OSMR: variants seen among roughly 807,000 people sequenced by gnomAD.
OSMR encodes oncostatin M receptor.
A neutral mutation model predicts 99.9 loss-of-function variants in OSMR; 81 were observed. That is an observed-to-expected ratio of 0.81 (90% CI 0.68 to 0.97). The LOEUF (loss-of-function observed/expected upper bound fraction) is 0.97, where lower values mean the gene tolerates loss of function less well. Among genes scored for constraint, OSMR ranks in the 50% least tolerant of loss-of-function variants. The pLI, the probability that OSMR is intolerant of heterozygous loss-of-function variation, is 0.00. For synonymous variants in OSMR, 406 were observed against 410.4 expected, an observed-to-expected ratio of 0.99 and a Z score of 0.13; for missense variants, 1,099 against 1,153.4, an observed-to-expected ratio of 0.95 and a Z score of 0.68.
intron 1 of OSMR, among the ~76,000 whole-genome samples, chr5:38,856,042 G>A (rs1377074850): frequency 2.6e-5 from 4 of 152,130 alleles, no homozygotes. Flanking sequence ...TCTTTGCAGA[G>A]TTTTCTCCCT....
intron 1 of OSMR, among the ~76,000 whole-genome samples, chr5:38,859,599 A>G (rs1033093720): frequency 1.3e-5 from 2 of 152,146 alleles, no homozygotes; most frequent in African/African-American, 2.4e-5. Context: ...GTGGTTTCAT[A>G]TGAATTTTAG....
chr5:38,904,905 TG>T (rs1220087536), intron 9 of OSMR, among the ~76,000 whole-genome samples: 2 of 152,206 alleles, frequency 1.3e-5, no homozygotes, highest in African/African-American at 4.8e-5. Flanking sequence ...TAATGACATT[TG>T]GAACCTTAAT....
chr5:38,914,486 C>T lies in OSMR; in HGVS notation c.1286-3060C>T, dbSNP rs549964111. ...GATTTCTCAAAACAGAGCTACTGTT[C>T]CACCCAGCAATCCCATTACTGGGTA... On this transcript the variant is annotated intron_variant, in intron 9 of 17. Coordinates refer to ENST00000274276, the MANE Select transcript of OSMR (RefSeq NM_003999.3). Among the ~76,000 whole-genome samples, 13 of 152,308 alleles carry T rather than the reference C, an allele frequency of 8.5e-5. No homozygotes were observed. The South Asian group carries it at 2.3e-3, about 27-fold the overall frequency.
In OSMR at chr5:38,924,547, T is replaced by C. The variant is rs1258153928; in HGVS notation, c.1996T>C (p.Ser666Pro). 1 of 1,614,072 alleles carries C rather than the reference T, an allele frequency of 6.2e-7. No homozygotes were observed. The highest frequency in any genetic ancestry group is 8.5e-7 in the Non-Finnish European group (1 of 1,180,022). ...ACAAGGGTACCATGTCTATCTGAAA[T>C]CCAAGGCGAGGCAGTGCCACCCACG... ...FIQGYHVYLKSKARQCHPRFE... is the reference protein window; with the variant it reads ...FIQGYHVYLKPKARQCHPRFE... The change falls in exon 14 of 18, where the codon TCC becomes CCC. Residue 666 changes from serine (S) to proline (P), a missense_variant. Transcript: ENST00000274276.
chr5:38,901,685 C>T (rs1194739264), intron 7 of OSMR, among the ~76,000 whole-genome samples: 1 of 152,144 alleles, frequency 6.6e-6, no homozygotes, highest in African/African-American at 2.4e-5. Context: ...GCCAGAGACT[C>T]CAATCAGCGT....
intron 12 of OSMR, 145 bp downstream of exon 12, chr5:38,921,939 G>A: frequency 1.4e-6 from 1 of 695,638 alleles, no homozygotes; most frequent in South Asian, 1.8e-5. Context: ...TAGGAGTTCA[G>A]ATGTTACAAG....
intron 1 of OSMR, among the ~76,000 whole-genome samples, chr5:38,858,592 T>C (rs776792366): frequency 6.6e-6 from 1 of 152,218 alleles, no homozygotes; most frequent in Non-Finnish European, 1.5e-5. Flanking sequence ...GGATCCCTTT[T>C]ATATACTTAT....
rs146630246 is a variant in OSMR at position 38,871,855 on chromosome 5, G to A, written c.73+2738G>A. On this transcript the variant is annotated intron_variant, in intron 2 of 17. Transcript: ENST00000274276. ...TCTAGAAACAACATTATTTTTAATT[G>A]CTGCATGATATCCCTTCTTATGAAT... Among the ~76,000 whole-genome samples, 872 of 152,026 alleles carry A rather than the reference G, an allele frequency of 5.7e-3. 8 individuals carry two copies. Among genetic ancestry groups the A allele is most frequent in the South Asian group, 0.018 (89 of 4,812 alleles).
At chr5:38,942,406 T>A in intron 1 of OSMR, 1 of 1,440,678 alleles carries the variant, frequency 6.9e-7, no homozygotes, top group Non-Finnish European at 9.7e-7. Context: ...TATCATCAAT[T>A]ACTTTTATAA....
intron 12 of OSMR, among the ~76,000 whole-genome samples, chr5:38,922,650 G>A (rs903966356): frequency 1.3e-5 from 2 of 152,222 alleles, no homozygotes; most frequent in African/African-American, 4.8e-5. Context: ...AGACAAGACA[G>A]TGGGGCCAGG....
chr5:38,920,228 G>C (rs1007679781), intron 11 of OSMR, among the ~76,000 whole-genome samples: 16 of 152,102 alleles, frequency 1.1e-4, no homozygotes, highest in African/African-American at 3.9e-4. Context: ...GCTCCAGCTA[G>C]CTATCCTTAA....
chr5:38,873,936 C>T (rs763697885), intron 2 of OSMR, among the ~76,000 whole-genome samples: 1 of 152,040 alleles, frequency 6.6e-6, no homozygotes, highest in Non-Finnish European at 1.5e-5. Flanking sequence ...GGGCTCAAAC[C>T]ATCCTCCTAT....
chr5:38,846,121 C>T lies in OSMR; in HGVS notation c.-280C>T, dbSNP rs1022109490. On this transcript the variant is annotated 5_prime_UTR_variant, in exon 1 of 18. Transcript: ENST00000274276. ...GGCCCGGCTCGTGGAGCCCTTCGCC[C>T]GCGGCGTGAGTACCCCCGACCCGCC... is the stretch of plus-strand genomic sequence containing the variant. 2.0e-5 allele frequency: 3 copies of T among 152,256 alleles called. No individual in the cohort carries two copies. Among genetic ancestry groups the T allele is most frequent in the East Asian group, 1.9e-4 (1 of 5,156 alleles). 9.4% of individuals were successfully genotyped at this position (152,256 alleles called of 1,614,324 possible).
At chr5:38,884,173 C>T (rs1400191299) in intron 5 of OSMR, 62 bp downstream of exon 5, 16 of 1,226,264 alleles carry the variant, frequency 1.3e-5, no homozygotes, top group Non-Finnish European at 1.6e-5. Context: ...ATTAAATCTC[C>T]TTTACTAGAA....
At chr5:38,847,788 C>T (rs565648676) in intron 1 of OSMR, among the ~76,000 whole-genome samples, 1 of 152,310 alleles carries the variant, frequency 6.6e-6, no homozygotes, top group African/African-American at 2.4e-5. Flanking sequence ...TTGTGACTTA[C>T]ATCTTGGTCC....
At chr5:38,932,560 T>C in intron 17 of OSMR, 25 bp downstream of exon 17, 1 of 1,593,958 alleles carries the variant, frequency 6.3e-7, no homozygotes, top group Non-Finnish European at 8.6e-7. Flanking sequence ...ATTGTATGTA[T>C]ACCATATACC....
Position 38,903,958 on chromosome 5 carries a change from C to T in OSMR, c.1068C>T (p.His356=), listed in dbSNP as rs1190331169. ...ATGCCATCATGACCTGGAAGGTGCA[C>T]TCCATAAGGAATAATTTCACATATT... is the stretch of plus-strand genomic sequence containing the variant. The part of the protein sequence containing the change: ...ATNAIMTWKV[H]SIRNNFTYLC... Residue 356 remains histidine (H), a synonymous_variant, in exon 8 of 18, where the codon CAC becomes CAT. Coordinates refer to ENST00000274276, the MANE Select transcript of OSMR (RefSeq NM_003999.3). The T allele has an allele frequency of 6.2e-7, 1 of 1,613,816 alleles. No homozygotes were observed. The highest frequency in any genetic ancestry group is 8.5e-7 in the Non-Finnish European group (1 of 1,179,926).
chr5:38,868,098 C>T (rs897286543), intron 1 of OSMR, among the ~76,000 whole-genome samples: 7 of 152,206 alleles, frequency 4.6e-5, no homozygotes, highest in East Asian at 1.9e-4. Context: ...AATCAGAGTT[C>T]GTGGTCCATA....
At chr5:38,925,163 C>A in intron 14 of OSMR, 41 bp from the exon 15 acceptor site, 4 of 1,609,266 alleles carry the variant, frequency 2.5e-6, no homozygotes, top group Non-Finnish European at 3.4e-6. Flanking sequence ...TTAATAAAAT[C>A]TTTTTTTTCC....
Sources: gnomAD v4.1 joint callset for allele counts (sites outside exome capture counted in the v4.1 genomes callset) on GRCh38, gnomAD v4.1.1 for gene constraint, MANE v1.5 for transcripts, NCBI Gene and HGNC (gene_info 2026-07-23, HGNC 2026-07-21) for gene names.